The following PTPRZ1 variants were observed in gnomAD, a reference collection of about 807,000 sequenced individuals.
The protein encoded by PTPRZ1 is protein tyrosine phosphatase receptor type Z1, also known as receptor-type tyrosine-protein phosphatase zeta.
In PTPRZ1, 82 loss-of-function variants were observed where a neutral mutation model predicts 214.1. The ratio of observed to expected loss-of-function variants is 0.38; its 90% CI spans 0.32 to 0.46. The LOEUF (loss-of-function observed/expected upper bound fraction) is 0.46. Among genes scored for constraint, PTPRZ1 ranks in the 20% least tolerant of loss-of-function variants. The pLI is 1.00. For synonymous variants in PTPRZ1, 945 were observed against 987.9 expected, an observed-to-expected ratio of 0.96 and a Z score of 0.81; for missense variants, 2,603 against 2,748.7, an observed-to-expected ratio of 0.95 and a Z score of 1.19.
In PTPRZ1 at chr7:122,037,199, C is replaced by T. The variant is rs567830836; in HGVS notation, c.5367+517C>T. Among the ~76,000 whole-genome samples the T allele has an allele frequency of 5.6e-4, 85 of 151,470 alleles. No homozygotes were observed. The South Asian group carries it at 6.7e-3, about 12-fold the overall frequency. On this transcript the variant is annotated intron_variant, in intron 18 of 29. Coordinates refer to ENST00000393386, the MANE Select transcript of PTPRZ1 (RefSeq NM_002851.3). ...CTGAGGCAGGAGAATGGCGTGAACC[C>T]GGGAGGCAGAGTTTGCAGTGAGCCG...
At chr7:121,943,810 T>C (rs1584666413) in intron 2 of PTPRZ1, among the ~76,000 whole-genome samples, 1 of 152,196 alleles carries the variant, frequency 6.6e-6, no homozygotes, top group African/African-American at 2.4e-5. Context: ...TTCCTGATAC[T>C]GCAGATCTGA....
intron 8 of PTPRZ1, among the ~76,000 whole-genome samples, chr7:121,985,298 C>T (rs1388472558): frequency 6.6e-6 from 1 of 152,090 alleles, no homozygotes; most frequent in Non-Finnish European, 1.5e-5. Flanking sequence ...TGGATTTAAC[C>T]ATCCCCTCTT....
rs1798728708 is a variant in PTPRZ1 at position 122,013,071 on chromosome 7, G to C, written c.4025G>C (p.Ser1342Thr). The change falls in exon 12 of 30, where the codon AGT (serine) becomes ACT (threonine). Residue 1342 changes from serine to threonine, a missense_variant. Physicochemically the swap from Ser to Thr is moderately conservative, Grantham distance 58. This residue lies in a region of PTPRZ1 where 1,913 missense variants were observed against 1,914.3 expected (regional missense o/e 1.00). Coordinates refer to ENST00000393386, the MANE Select transcript of PTPRZ1 (RefSeq NM_002851.3). The stretch of plus-strand genomic sequence containing the variant: ...GATGAAATTTTAACCTCCACCAAAA[G>C]TTCTGTTACTGGTAAGGTATTTGCT... ...HSDEILTSTK[S>T]SVTGKVFAGI... is the part of the protein sequence containing the mutation. 6.2e-7 allele frequency: 1 copy of C among 1,613,364 alleles called. No individual in the cohort carries two copies. The highest frequency in any genetic ancestry group is 8.5e-7 in the Non-Finnish European group (1 of 1,179,418).
At chr7:121,918,045 TAAA>T (rs76675001) in intron 1 of PTPRZ1, among the ~76,000 whole-genome samples, 1 of 142,466 alleles carries the variant, frequency 7.0e-6, no homozygotes. Context: ...CTAGACCGGC[TAAA>T]AAAAAAAAAA....
intron 8 of PTPRZ1, among the ~76,000 whole-genome samples, chr7:121,988,481 G>A (rs1797838137): frequency 6.6e-6 from 1 of 152,064 alleles, no homozygotes; most frequent in Non-Finnish European, 1.5e-5. Context: ...TATGCGTATA[G>A]GGCCTTTCTG....
rs1001972119 is a variant in PTPRZ1, at chr7:122,059,851, T to C, written c.6770T>C (p.Met2257Thr). The C allele has an allele frequency of 6.2e-7, 1 of 1,613,732 alleles. No homozygotes were observed. Among genetic ancestry groups the C allele is most frequent in the Non-Finnish European group, 8.5e-7 (1 of 1,179,792 alleles). ...NSVDVYQVAK[M>T]INLMRPGVFA... is the part of the protein sequence containing the mutation. The stretch of plus-strand genomic sequence containing the variant: ...GTGGATGTTTACCAGGTAGCCAAGA[T>C]GATCAATCTGATGAGGCCAGGAGTC... Residue 2257 changes from methionine to threonine, a missense_variant, in exon 29 of 30, where the codon ATG becomes ACG. This residue lies in a region of PTPRZ1 where 165 missense variants were observed against 151.4 expected (regional missense o/e 1.09). Coordinates refer to ENST00000393386, the MANE Select transcript of PTPRZ1 (RefSeq NM_002851.3).
In PTPRZ1 at chr7:122,040,880, A is replaced by G; in HGVS notation, c.5702A>G (p.Asp1901Gly). Residue 1901 changes from aspartate to glycine, a missense_variant, in exon 21 of 30, where the codon GAC (aspartate) becomes GGC (glycine). By Grantham distance (94) the Asp-to-Gly change is moderately conservative. This residue lies in a region of PTPRZ1 where 1,913 missense variants were observed against 1,914.3 expected (regional missense o/e 1.00). Coordinates refer to ENST00000393386, the MANE Select transcript of PTPRZ1 (RefSeq NM_002851.3). ...CAGTATCACTACACGCAGTGGCCTG[A>G]CATGGGAGTACCAGAGTACTCCCTG... ...VTQYHYTQWP[D>G]MGVPEYSLPV... 1.2e-6 allele frequency: 2 copies of G among 1,607,200 alleles called. No individual in the cohort carries two copies. Among genetic ancestry groups the G allele is most frequent in the Non-Finnish European group, 1.7e-6 (2 of 1,174,916 alleles).
At chr7:121,932,034 G>A (rs1351223536) in intron 2 of PTPRZ1, among the ~76,000 whole-genome samples, 1 of 152,086 alleles carries the variant, frequency 6.6e-6, no homozygotes, top group Non-Finnish European at 1.5e-5. Context: ...TTATATTAGT[G>A]CTTCCCATTG....
intron 15 of PTPRZ1, among the ~76,000 whole-genome samples, chr7:122,032,907 G>A (rs889691920): frequency 7.2e-5 from 11 of 151,884 alleles, no homozygotes; most frequent in South Asian, 2.1e-4. Context: ...CAGGCTAGAG[G>A]TTACGCATGC....
chr7:121,996,297 A>T, intron 8 of PTPRZ1, 85 bp from the exon 9 acceptor site: 1 of 998,940 alleles, frequency 1.0e-6, no homozygotes, highest in Non-Finnish European at 1.4e-6. Context: ...AATAAAACAC[A>T]ATAAAATTTT....
intron 2 of PTPRZ1, among the ~76,000 whole-genome samples, chr7:121,940,883 A>G (rs1388288467): frequency 2.0e-5 from 3 of 151,430 alleles, no homozygotes; most frequent in Non-Finnish European, 4.4e-5. Flanking sequence ...TTCATTCCTC[A>G]TGATTACCTT....
chr7:121,956,622 A>C (rs1034559142), intron 2 of PTPRZ1, among the ~76,000 whole-genome samples: 2 of 152,268 alleles, frequency 1.3e-5, no homozygotes, highest in African/African-American at 4.8e-5. Flanking sequence ...GCACCACTGG[A>C]AAGTCCAGAT....
intron 1 of PTPRZ1, among the ~76,000 whole-genome samples, chr7:121,901,159 A>T (rs550596471): frequency 6.6e-6 from 1 of 152,300 alleles, no homozygotes; most frequent in African/African-American, 2.4e-5. Context: ...TTTGTTGAGA[A>T]TGAAAGTAGT....
At chr7:122,049,169 C>T (rs912402921) in intron 23 of PTPRZ1, among the ~76,000 whole-genome samples, 1 of 151,846 alleles carries the variant, frequency 6.6e-6, no homozygotes, top group African/African-American at 2.4e-5. Flanking sequence ...TCTTAGTAAA[C>T]CAGAAATAGA....
rs1234861375 is a variant in PTPRZ1, at chr7:122,019,418, C to T, written c.4988+150C>T. 4 of 772,256 alleles carry T rather than the reference C, an allele frequency of 5.2e-6. No individual in the cohort carries two copies. In the East Asian group the frequency reaches 1.1e-4, roughly 21 times the overall value. The allele number at this position is 772,256 out of a possible 1,614,324, so 47.8% of individuals were successfully genotyped here. ...CAAGGTAAATTTGTGAATCCAAAGG[C>T]ACAATAATGAAGGAGTTAATTGTTC... On this transcript the variant is annotated intron_variant, in intron 13 of 29. Coordinates refer to ENST00000393386, the MANE Select transcript of PTPRZ1 (RefSeq NM_002851.3).
intron 1 of PTPRZ1, among the ~76,000 whole-genome samples, chr7:121,908,082 G>A (rs1286209543): frequency 6.6e-6 from 1 of 152,084 alleles, no homozygotes; most frequent in African/African-American, 2.4e-5. Flanking sequence ...CTAACCAAAT[G>A]TGTCAAGTGT....
At chr7:122,048,065 A>C (rs1161618133) in intron 23 of PTPRZ1, among the ~76,000 whole-genome samples, 1 of 152,168 alleles carries the variant, frequency 6.6e-6, no homozygotes, top group Non-Finnish European at 1.5e-5. Flanking sequence ...AATACAGTAA[A>C]AATTGGAAAT....
intron 13 of PTPRZ1, among the ~76,000 whole-genome samples, chr7:122,022,955 C>G (rs527981367): frequency 4.4e-4 from 67 of 152,110 alleles, no homozygotes; most frequent in Non-Finnish European, 8.2e-4. Context: ...GATCCAAAGA[C>G]TTTTCAATGG....
In PTPRZ1 at chr7:121,873,341, C is replaced by CAT; in HGVS notation, c.-158_-157insTA. On this transcript the variant is annotated 5_prime_UTR_variant, in exon 1 of 30. Transcript: ENST00000393386. ...TCTCTCTCTCTCTCACACACACACACACACACACAAACACACATACGCACG... is the reference window on the plus strand; with the variant it reads ...TCTCTCTCTCTCTCACACACACACACATACACACACAAACACACATACGCACG... The CAT allele has an allele frequency of 1.5e-6, 1 of 656,620 alleles. No homozygotes were observed. The highest frequency in any genetic ancestry group is 2.7e-5 in the East Asian group (1 of 36,766). 40.7% of individuals were successfully genotyped at this position (656,620 alleles called of 1,614,324 possible). A position where few individuals can be genotyped will look rare whatever the true frequency, so the allele number is the denominator to read the frequency against.
Sources: gnomAD v4.1 joint callset for allele counts (sites outside exome capture counted in the v4.1 genomes callset) on GRCh38, gnomAD v4.1.1 for gene constraint, gnomAD v4.1.1 regional missense constraint, MANE v1.5 for transcripts, NCBI Gene and HGNC (gene_info 2026-07-23, HGNC 2026-07-21) for gene names.